GADL1: variants seen among roughly 807,000 people sequenced by gnomAD.
GADL1 encodes GAD like acidic amino acid decarboxylase 1.
GADL1 carries 71 observed loss-of-function variants against 69.5 expected under a neutral mutation model. That is an observed-to-expected ratio of 1.02 (90% CI 0.84 to 1.25). The LOEUF is 1.25. GADL1 is among the 50% of genes most tolerant of loss of function. GADL1 has a pLI of 0.00. For missense variants in GADL1, 737 were observed against 631.8 expected (o/e 1.17, Z -1.79); for synonymous variants, 254 against 214.4 (o/e 1.18, Z -1.62).
intron 11 of GADL1, among the ~76,000 whole-genome samples, chr3:30,825,787 G>A (rs577478567): frequency 6.6e-6 from 1 of 151,996 alleles, no homozygotes; most frequent in East Asian, 1.9e-4. Flanking sequence ...TGGGGAACAA[G>A]GGGAGGGAGA....
chr3:30,858,294 G>C (rs1006316078), intron 2 of GADL1, among the ~76,000 whole-genome samples: 2 of 152,000 alleles, frequency 1.3e-5, no homozygotes, highest in African/African-American at 4.8e-5. Flanking sequence ...TATAGAGTTT[G>C]GACTTGGCTC....
At chr3:30,765,610 G>T (rs1416416572) in intron 14 of GADL1, among the ~76,000 whole-genome samples, 1 of 152,214 alleles carries the variant, frequency 6.6e-6, no homozygotes, top group Non-Finnish European at 1.5e-5. Context: ...AGAAGGGCAT[G>T]CTTGGTTTAA....
chr3:30,838,425 AAAT>A (rs1697907911), intron 9 of GADL1, among the ~76,000 whole-genome samples: 1 of 152,154 alleles, frequency 6.6e-6, no homozygotes, highest in African/African-American at 2.4e-5. Flanking sequence ...CTTTGCTAGA[AAAT>A]AATGGAGTAT....
At chr3:30,820,814 A>G (rs970490831) in intron 11 of GADL1, among the ~76,000 whole-genome samples, 4 of 151,884 alleles carry the variant, frequency 2.6e-5, no homozygotes, top group African/African-American at 9.7e-5. Flanking sequence ...CAGCCATCCC[A>G]TTACTGGGTA....
At chr3:30,869,270 C>T (rs1268979330) in intron 1 of GADL1, among the ~76,000 whole-genome samples, 1 of 151,824 alleles carries the variant, frequency 6.6e-6, no homozygotes, top group Admixed American at 6.6e-5. Context: ...ACATCAGCCT[C>T]ATAGATTGTT....
At chr3:30,834,491 C>A (rs547499993) in intron 9 of GADL1, among the ~76,000 whole-genome samples, 5 of 152,146 alleles carry the variant, frequency 3.3e-5, no homozygotes, top group African/African-American at 1.2e-4. Context: ...CTCACTGACC[C>A]TTAGAATTAT....
At chr3:30,788,049 C>T (rs1223697268) in intron 12 of GADL1, among the ~76,000 whole-genome samples, 3 of 152,148 alleles carry the variant, frequency 2.0e-5, no homozygotes, top group African/African-American at 4.8e-5. Context: ...CACATGGGCA[C>T]GTATGCTCAC....
intron 3 of GADL1, 129 bp downstream of exon 3, chr3:30,856,886 A>C (rs1327544637): frequency 4.1e-6 from 3 of 726,384 alleles, no homozygotes; most frequent in Admixed American, 5.8e-5. Context: ...TTGCAAAAAC[A>C]TCAGAACTAC....
At chr3:30,848,920 G>A (rs572551031) in intron 6 of GADL1, among the ~76,000 whole-genome samples, 1 of 152,280 alleles carries the variant, frequency 6.6e-6, no homozygotes, top group African/African-American at 2.4e-5. Context: ...TTTGCCTGGT[G>A]ACTTTACAGC....
intron 11 of GADL1, among the ~76,000 whole-genome samples, chr3:30,808,425 G>A (rs1208311955): frequency 6.6e-6 from 1 of 151,888 alleles, no homozygotes; most frequent in African/African-American, 2.4e-5. Context: ...TTGAACCTGG[G>A]AGGCAGAGGT....
intron 8 of GADL1, among the ~76,000 whole-genome samples, chr3:30,839,742 A>G (rs1298186792): frequency 6.6e-6 from 1 of 152,122 alleles, no homozygotes; most frequent in African/African-American, 2.4e-5. Flanking sequence ...AATCTGTGTC[A>G]CTTCTATCAT....
intron 8 of GADL1, among the ~76,000 whole-genome samples, chr3:30,840,126 C>A (rs1040533362): frequency 6.6e-6 from 1 of 152,000 alleles, no homozygotes; most frequent in African/African-American, 2.4e-5. Flanking sequence ...TTATTTTTTT[C>A]TCCATTTAGC....
chr3:30,801,792 C>T (rs1266512446), intron 11 of GADL1, among the ~76,000 whole-genome samples: 1 of 152,146 alleles, frequency 6.6e-6, no homozygotes, highest in African/African-American at 2.4e-5. Context: ...AAAGTTGAAG[C>T]CATGTTGTCT....
chr3:30,768,267 T>C (rs192453964), intron 14 of GADL1, among the ~76,000 whole-genome samples: 5 of 152,314 alleles, frequency 3.3e-5, no homozygotes, highest in African/African-American at 7.2e-5. Context: ...TCATCTGTTA[T>C]TGTTTACAAT....
intron 13 of GADL1, among the ~76,000 whole-genome samples, chr3:30,785,539 G>A (rs911603257): frequency 1.3e-5 from 2 of 151,978 alleles, no homozygotes; most frequent in Admixed American, 6.6e-5. Flanking sequence ...GAGCCACCAC[G>A]CTCGACTAAT....
At chr3:30,742,131 T>C (rs113637302) in intron 14 of GADL1, among the ~76,000 whole-genome samples, 3 of 152,292 alleles carry the variant, frequency 2.0e-5, no homozygotes, top group African/African-American at 7.2e-5. Context: ...GCTATTTTAG[T>C]CTTCCCAGAT....
chr3:30,878,081 T>C (rs552999393), intron 1 of GADL1, among the ~76,000 whole-genome samples: 2 of 152,014 alleles, frequency 1.3e-5, no homozygotes, highest in East Asian at 3.9e-4. Flanking sequence ...AAGGGAACCC[T>C]CTGGAGTTTG....
chr3:30,793,309 T>G (rs1696960167), intron 12 of GADL1, among the ~76,000 whole-genome samples: 1 of 152,186 alleles, frequency 6.6e-6, no homozygotes, highest in Non-Finnish European at 1.5e-5. Context: ...CACCTCTGCT[T>G]ATGTTTCTAG....
rs116614789 is a variant in GADL1, at chr3:30,855,759, A to T, written c.338-970T>A. Among the ~76,000 whole-genome samples, 1,495 of 152,022 alleles carry T rather than the reference A, an allele frequency of 9.8e-3. 22 individuals carry two copies. The highest frequency in any genetic ancestry group is 0.034 in the African/African-American group (1,429 of 41,462). On this transcript the variant is annotated intron_variant, in intron 3 of 14. Transcript: ENST00000282538. The stretch of plus-strand genomic sequence containing the variant: ...AAAGAGGCAGGAGGTCTATTTCTAC[A>T]TTTGAGTATTTGGGAATCATTTAAT...
Sources: allele counts gnomAD v4.1 joint callset (sites outside exome capture counted in the v4.1 genomes callset), GRCh38; gene constraint gnomAD v4.1.1; transcripts MANE v1.5; gene names NCBI Gene and HGNC (gene_info 2026-07-23, HGNC 2026-07-21).